The following KIAA2012 variants were observed in gnomAD, a reference collection of about 807,000 sequenced individuals.
KIAA2012 encodes KIAA2012, also known as uncharacterized protein KIAA2012.
In KIAA2012, 125 loss-of-function variants were observed where a neutral mutation model predicts 150.6. That is an observed-to-expected ratio of 0.83 (90% CI 0.72 to 0.96). The LOEUF (loss-of-function observed/expected upper bound fraction) is 0.96, where lower values mean the gene tolerates loss of function less well. Among genes scored for constraint, KIAA2012 ranks in the 40% least tolerant of loss-of-function variants. The pLI is 0.00. For missense variants in KIAA2012, 1,219 were observed against 1,354.9 expected (o/e 0.90, Z 1.57); for synonymous variants, 462 against 504.7 (o/e 0.92, Z 1.13).
chr2:202,144,677 G>A (rs2105947509), intron 13 of KIAA2012, among the ~76,000 whole-genome samples: 1 of 152,206 alleles, frequency 6.6e-6, no homozygotes. Context: ...CACAGTTCCT[G>A]GTACATGGGA....
intron 14 of KIAA2012, among the ~76,000 whole-genome samples, chr2:202,163,630 A>G (rs987833752): frequency 2.0e-5 from 3 of 152,150 alleles, no homozygotes; most frequent in Non-Finnish European, 1.5e-5. Flanking sequence ...GTTGAGACTG[A>G]AGTTTGATCC....
At chr2:202,092,963 A>G in intron 3 of KIAA2012, 67 bp from the exon 4 acceptor site, 1 of 1,381,028 alleles carries the variant, frequency 7.2e-7, no homozygotes, top group Non-Finnish European at 9.9e-7. Flanking sequence ...GGAACCTTGT[A>G]GTTACCACCA....
rs1352528369 is a variant in KIAA2012 at position 202,159,742 on chromosome 2, T to C, written c.2046+4932T>C. 5.9e-5 allele frequency among the ~76,000 whole-genome samples: 9 copies of C among 152,156 alleles called. No homozygotes were observed. The East Asian group carries it at 1.7e-3, about 29-fold the overall frequency. ...CTGTAGTCCCAGCTACTCAGGGGGCTGAGACAGGAGAATCTCTTGAACCCG... is the reference window on the plus strand; with the variant it reads ...CTGTAGTCCCAGCTACTCAGGGGGCCGAGACAGGAGAATCTCTTGAACCCG... On this transcript the variant is annotated intron_variant, in intron 14 of 23. Coordinates refer to ENST00000498697, the MANE Select transcript of KIAA2012 (RefSeq NM_001277372.4).
rs1689262239 is a variant in KIAA2012 at position 202,073,880 on chromosome 2, T to G, written c.84+169T>G. 4.0e-5 allele frequency among the ~76,000 whole-genome samples: 6 copies of G among 151,254 alleles called. 1 individual carries two copies. The South Asian group carries it at 1.3e-3, about 32-fold the overall frequency. On this transcript the variant is annotated intron_variant, in intron 1 of 23. Transcript: ENST00000498697. ...CATGAAACTCAAGAAAATAACATCA[T>G]TTTCCTGACACACCGAGATTGCCCC...
intron 15 of KIAA2012, among the ~76,000 whole-genome samples, chr2:202,174,492 T>C (rs1691954537): frequency 6.6e-6 from 1 of 152,154 alleles, no homozygotes; most frequent in Admixed American, 6.6e-5. Flanking sequence ...GACAAAAGAA[T>C]TCAGCAAGAT....
rs1430690195 is a variant in KIAA2012 at position 202,201,622 on chromosome 2, T to C, written c.3408-807T>C. 1.1e-5 allele frequency: 17 copies of C among 1,610,182 alleles called. No homozygotes were observed. In the Admixed American group the frequency reaches 2.8e-4, roughly 27 times the overall value. Reference sequence around the variant, plus strand: ...ATGGGACCAACTGGATAATAAGCCATGGGGATTGTGGAACCTAAAGACCCA... The same window carrying C: ...ATGGGACCAACTGGATAATAAGCCACGGGGATTGTGGAACCTAAAGACCCA... On this transcript the variant is annotated intron_variant, in intron 22 of 23. Coordinates refer to ENST00000498697, the MANE Select transcript of KIAA2012 (RefSeq NM_001277372.4).
Position 202,099,610 on chromosome 2 carries a change from T to C in KIAA2012, c.829-3T>C. On this transcript the variant is annotated splice_polypyrimidine_tract_variant and splice_region_variant and intron_variant, in intron 5 of 23. Coordinates refer to ENST00000498697, the MANE Select transcript of KIAA2012 (RefSeq NM_001277372.4). ...ACAGGAATGTGTATCTGTCGTTCCC[T>C]AGGACACGTCAATAGAGAATCACCT... 6.5e-7 allele frequency: 1 copy of C among 1,548,234 alleles called. No homozygotes were observed. The highest frequency in any genetic ancestry group is 8.7e-7 in the Non-Finnish European group (1 of 1,145,742).
At chr2:202,121,221 C>G (rs1015515568) in intron 11 of KIAA2012, among the ~76,000 whole-genome samples, 2 of 152,160 alleles carry the variant, frequency 1.3e-5, no homozygotes, top group Non-Finnish European at 1.5e-5. Context: ...GCAGAGCCAC[C>G]CTGATCGGCC....
In KIAA2012 at chr2:202,184,734, T is replaced by C. The variant is rs763884029; in HGVS notation, c.2120-19T>C. ...TAACTGCCTGTTGTCCTTTATTGAT[T>C]GATACTCTGTTTTCACAGACCCAGA... On this transcript the variant is annotated intron_variant, in intron 15 of 23. Coordinates refer to ENST00000498697, the MANE Select transcript of KIAA2012 (RefSeq NM_001277372.4). 8 of 1,504,834 alleles carry C rather than the reference T, an allele frequency of 5.3e-6. No individual in the cohort carries two copies. The highest frequency in any genetic ancestry group is 6.2e-6 in the Non-Finnish European group (7 of 1,126,538). 93.2% of individuals were successfully genotyped at this position (1,504,834 alleles called of 1,614,324 possible).
At position 202,160,542 on chromosome 2, in the gene KIAA2012, T is replaced by C. The variant is rs188361156; in HGVS notation, c.2047-4742T>C. On this transcript the variant is annotated intron_variant, in intron 14 of 23. Coordinates refer to ENST00000498697, the MANE Select transcript of KIAA2012 (RefSeq NM_001277372.4). ...GTTAGCCAGCATGGTCTCGATCTCCTGACCTCGTGATCCGCCCACCTTGGC... is the reference window on the plus strand; with the variant it reads ...GTTAGCCAGCATGGTCTCGATCTCCCGACCTCGTGATCCGCCCACCTTGGC... Among the ~76,000 whole-genome samples, 431 of 152,244 alleles carry C rather than the reference T, an allele frequency of 2.8e-3. 1 individual carries two copies. Among genetic ancestry groups the C allele is most frequent in the South Asian group, 5.0e-3 (24 of 4,818 alleles).
chr2:202,196,768 C>T lies in KIAA2012; in HGVS notation c.3188-32C>T, dbSNP rs943123306. The T allele has an allele frequency of 2.6e-6, 4 of 1,545,852 alleles. No individual in the cohort carries two copies. In the South Asian group the frequency reaches 3.6e-5, roughly 14 times the overall value. On this transcript the variant is annotated intron_variant, in intron 21 of 23. Transcript: ENST00000498697. ...AAATTGTTTTCCCTAAAAATGATCC[C>T]TGCTGAGCCCACCCCCTTTTCTATT...
At chr2:202,153,933 G>A (rs1184832237) in intron 13 of KIAA2012, among the ~76,000 whole-genome samples, 1 of 152,206 alleles carries the variant, frequency 6.6e-6, no homozygotes, top group African/African-American at 2.4e-5. Flanking sequence ...GTATCAAGCA[G>A]AGAAGTGATA....
At chr2:202,197,370 C>T (rs1692433675) in intron 22 of KIAA2012, 2 of 299,886 alleles carry the variant, frequency 6.7e-6, no homozygotes, top group Non-Finnish European at 1.3e-5. Flanking sequence ...GATTTCGAAC[C>T]CACTGCCTGT....
At position 202,195,903 on chromosome 2, in the gene KIAA2012, C is replaced by G. The variant is rs150517417; in HGVS notation, c.3188-897C>G. The stretch of plus-strand genomic sequence containing the variant: ...TAGTGTTCCATCATGTATATATATA[C>G]CACATTTTCTTTATCCACTCATCTA... On this transcript the variant is annotated intron_variant, in intron 21 of 23. Transcript: ENST00000498697. Among the ~76,000 whole-genome samples the G allele has an allele frequency of 2.3e-3, 355 of 152,204 alleles. 2 individuals carry two copies. Among genetic ancestry groups the G allele is most frequent in the African/African-American group, 8.3e-3 (343 of 41,500 alleles).
chr2:202,104,919 G>A lies in KIAA2012; in HGVS notation c.1325-842G>A, dbSNP rs1056598987. 2.0e-5 allele frequency among the ~76,000 whole-genome samples: 3 copies of A among 152,174 alleles called. No individual in the cohort carries two copies. Among genetic ancestry groups the A allele is most frequent in the African/African-American group, 7.2e-5 (3 of 41,426 alleles). On this transcript the variant is annotated intron_variant, in intron 8 of 23. Transcript: ENST00000498697. The surrounding 1 kb of genome is among the most constrained non-coding windows in gnomAD (Gnocchi z 4.3). ...TTTTCCATGATGACCCTGATAGGAAGGTGAGGAAAACCACCAGGCCATCAT... is the reference window on the plus strand; with the variant it reads ...TTTTCCATGATGACCCTGATAGGAAAGTGAGGAAAACCACCAGGCCATCAT...
chr2:202,129,495 C>T (rs1690874915), intron 12 of KIAA2012, among the ~76,000 whole-genome samples: 1 of 151,950 alleles, frequency 6.6e-6, no homozygotes, highest in Non-Finnish European at 1.5e-5. Flanking sequence ...GCTGGGATTA[C>T]AGGCATGAGC....
At chr2:202,073,883 T>A (rs1017548827) in intron 1 of KIAA2012, among the ~76,000 whole-genome samples, 172 bp downstream of exon 1, 1 of 151,726 alleles carries the variant, frequency 6.6e-6, no homozygotes, top group Admixed American at 6.6e-5. Context: ...AACATCATTT[T>A]CCTGACACAC....
chr2:202,152,977 C>T (rs16838892), intron 13 of KIAA2012, among the ~76,000 whole-genome samples: 4,011 of 152,126 alleles, frequency 0.026, 156 homozygotes, highest in African/African-American at 0.089. Flanking sequence ...ATGTATGTGA[C>T]CCCAGCAAAT....
chr2:202,202,188 G>A (rs1692542958), intron 22 of KIAA2012, among the ~76,000 whole-genome samples: 1 of 152,098 alleles, frequency 6.6e-6, no homozygotes, highest in South Asian at 2.1e-4. Flanking sequence ...GTCCTTTCCA[G>A]CAGTGTAAGA....
Sources: gnomAD v4.1 joint callset for allele counts (sites outside exome capture counted in the v4.1 genomes callset) on GRCh38, gnomAD v4.1.1 for gene constraint, Gnocchi (gnomAD v3.1) non-coding constraint, MANE v1.5 for transcripts, NCBI Gene and HGNC (gene_info 2026-07-23, HGNC 2026-07-21) for gene names.